GGT5: variants seen among roughly 807,000 people sequenced by gnomAD.
GGT5 encodes glutathione hydrolase 5 proenzyme.
Under a neutral mutation model 58.1 loss-of-function variants are expected in GGT5, and 50 were observed. That is an observed-to-expected ratio of 0.86 (90% CI 0.69 to 1.09). The LOEUF (loss-of-function observed/expected upper bound fraction) is 1.09. Ranked by LOEUF, GGT5 falls within the 50% of genes least tolerant of loss-of-function variation. GGT5 has a pLI of 0.00. For synonymous variants in GGT5, 370 were observed against 346.1 expected, an observed-to-expected ratio of 1.07 and a Z score of -0.77; for missense variants, 800 against 789.4, an observed-to-expected ratio of 1.01 and a Z score of -0.16.
At chr22:24,238,392 C>T (rs569180041) in intron 1 of GGT5, among the ~76,000 whole-genome samples, 41 of 151,628 alleles carry the variant, frequency 2.7e-4, no homozygotes, top group African/African-American at 6.0e-4. Context: ...ATTAGCAGGG[C>T]ATGGTGTCAT....
chr22:24,236,393 C>T (rs557259718), intron 1 of GGT5, among the ~76,000 whole-genome samples: 14 of 152,178 alleles, frequency 9.2e-5, no homozygotes, highest in African/African-American at 3.1e-4. Flanking sequence ...AAGCCACCAA[C>T]CTCTCTCAGC....
chr22:24,225,046 G>C lies in GGT5; in HGVS notation c.1564C>G (p.Leu522Val), dbSNP rs1169592598. The C allele has an allele frequency of 6.2e-7, 1 of 1,602,290 alleles. No homozygotes were observed. The highest frequency in any genetic ancestry group is 8.5e-7 in the Non-Finnish European group (1 of 1,174,464). The change falls in exon 11 of 12, where the codon CTG becomes GTG. Residue 522 changes from leucine (L) to valine (V), a missense_variant. By Grantham distance (32) the Leu-to-Val change is conservative (BLOSUM62 1). Transcript: ENST00000327365. Reference protein sequence around the residue: ...DLRAAIAAPILHVNSKGCVEY... With the variant: ...DLRAAIAAPIVHVNSKGCVEY... ...ACACAGCCCTTGCTGTTGACATGCA[G>C]GATGGGGGCTGCAATGGCCGCTCTC...
intron 1 of GGT5, among the ~76,000 whole-genome samples, chr22:24,239,065 C>A (rs557830343): frequency 7.0e-6 from 1 of 142,770 alleles, no homozygotes; most frequent in Admixed American, 7.4e-5. Flanking sequence ...GGTGGCCAGG[C>A]GTGGTGGCTC....
intron 11 of GGT5, 31 bp from the exon 12 acceptor site, chr22:24,220,147 G>A (rs1601360512): frequency 6.2e-7 from 1 of 1,610,972 alleles, no homozygotes; most frequent in South Asian, 1.1e-5. Flanking sequence ...GTTCACAGGG[G>A]AGGGCAGCTC....
In GGT5 at chr22:24,226,164, C is replaced by T; in HGVS notation, c.1141G>A (p.Ala381Thr). 1.9e-6 allele frequency: 3 copies of T among 1,611,266 alleles called. No individual in the cohort carries two copies. The highest frequency in any genetic ancestry group is 2.5e-6 in the Non-Finnish European group (3 of 1,179,880). The change falls in exon 8 of 12, where the codon GCC becomes ACC. Residue 381 changes from alanine (A) to threonine (T), a missense_variant. Coordinates refer to ENST00000327365, the MANE Select transcript of GGT5 (RefSeq NM_004121.5). Reference protein sequence around the residue: ...HQLSHYSLAEAWGHGTGTSHV... With the variant: ...HQLSHYSLAETWGHGTGTSHV... ...GACGTGCCTGTCCCGTGGCCCCAGGCCTCGGCCAAGCTGTAGTGGCTGAGC... is the reference window on the plus strand; with the variant it reads ...GACGTGCCTGTCCCGTGGCCCCAGGTCTCGGCCAAGCTGTAGTGGCTGAGC...
rs557488487 is a variant in GGT5 at position 24,230,266 on chromosome 22, A to G, written c.901+1118T>C. 3.4e-4 allele frequency among the ~76,000 whole-genome samples: 52 copies of G among 151,408 alleles called. 1 individual carries two copies. In the South Asian group the frequency reaches 0.01, roughly 29 times the overall value. ...GCCTGTAATCCCAGCTACTTGGGAGACTGAGGCAGGAGAATTGCTTGTACC... is the reference window on the plus strand; with the variant it reads ...GCCTGTAATCCCAGCTACTTGGGAGGCTGAGGCAGGAGAATTGCTTGTACC... On this transcript the variant is annotated intron_variant, in intron 6 of 11. Transcript: ENST00000327365.
chr22:24,232,444 G>C (rs1339734587), intron 4 of GGT5, among the ~76,000 whole-genome samples: 3 of 152,142 alleles, frequency 2.0e-5, no homozygotes, highest in Non-Finnish European at 2.9e-5. Flanking sequence ...TGGGGCCTGG[G>C]TCCACCTAGG....
chr22:24,238,779 A>AAT (rs1556041830), intron 1 of GGT5, among the ~76,000 whole-genome samples: 1 of 24,282 alleles, frequency 4.1e-5, no homozygotes, highest in Non-Finnish European at 6.3e-5. Flanking sequence ...ATATATATAT[A>AAT]ATATATATTA....
chr22:24,226,514 T>C, intron 7 of GGT5, 117 bp downstream of exon 7: 2 of 1,166,562 alleles, frequency 1.7e-6, no homozygotes. Flanking sequence ...TGCCCTGGCC[T>C]AGAACCACAT....
Position 24,236,809 on chromosome 22 carries a change from A to G in GGT5, c.174-2805T>C, listed in dbSNP as rs569257206. Reference sequence around the variant, plus strand: ...TAAACGTAAATCAGACTTCCTGGTAATGGGAGACTGTAATTCAGACCACAC... The same window carrying G: ...TAAACGTAAATCAGACTTCCTGGTAGTGGGAGACTGTAATTCAGACCACAC... On this transcript the variant is annotated intron_variant, in intron 1 of 11. Coordinates refer to ENST00000327365, the MANE Select transcript of GGT5 (RefSeq NM_004121.5). 4.6e-5 allele frequency among the ~76,000 whole-genome samples: 7 copies of G among 152,038 alleles called. 1 individual carries two copies. The South Asian group carries it at 1.5e-3, about 32-fold the overall frequency.
chr22:24,238,578 C>A (rs2048167822), intron 1 of GGT5, among the ~76,000 whole-genome samples: 1 of 140,640 alleles, frequency 7.1e-6, no homozygotes, highest in Non-Finnish European at 1.5e-5. Flanking sequence ...GTGGCTCATG[C>A]CTGGAATCCC....
At chr22:24,235,823 A>G (rs4822473) in intron 1 of GGT5, among the ~76,000 whole-genome samples, 18,668 of 151,974 alleles carry the variant, frequency 0.12, 1,371 homozygotes, top group East Asian at 0.26. Context: ...CTTGGCTTCC[A>G]GGGCAAAATG....
At chr22:24,223,832 G>A (rs916624992) in intron 11 of GGT5, among the ~76,000 whole-genome samples, 7 of 133,446 alleles carry the variant, frequency 5.2e-5, no homozygotes, top group Admixed American at 2.8e-4. Flanking sequence ...TCACGATCTT[G>A]GCTCACTGCA....
chr22:24,234,948 T>A (rs2048053507), intron 1 of GGT5, among the ~76,000 whole-genome samples: 1 of 151,896 alleles, frequency 6.6e-6, no homozygotes, highest in Non-Finnish European at 1.5e-5. Flanking sequence ...GCCTACATTA[T>A]GATGATCCCT....
intron 1 of GGT5, among the ~76,000 whole-genome samples, chr22:24,238,866 ATATATATAATATATAT>A (rs1569372022): frequency 1.4e-3 from 13 of 9,088 alleles, no homozygotes; most frequent in African/African-American, 9.9e-3. Flanking sequence ...TATATATATA[ATATATATAATATATAT>A]TATATATTTT....
At position 24,231,400 on chromosome 22, in the gene GGT5, G is replaced by T. The variant is rs1453058742; in HGVS notation, c.885C>A (p.Ile295=). ...GGGCTTTACCTCTTAGCACGTTGAG[G>T]ATAAAGCTGAGAATGGCACCCCCTG... ...PPAGGAILSF[I]LNVLRGFNFS... is the part of the protein sequence containing the mutation. The change falls in exon 6 of 12, where the codon ATC becomes ATA. Residue 295 remains isoleucine (I), a synonymous_variant. Transcript: ENST00000327365. 1 of 1,551,778 alleles carries T rather than the reference G, an allele frequency of 6.4e-7. No individual in the cohort carries two copies. Among genetic ancestry groups the T allele is most frequent in the Admixed American group, 2.0e-5 (1 of 51,230 alleles).
chr22:24,234,684 A>G (rs1042658164), intron 1 of GGT5, among the ~76,000 whole-genome samples: 6 of 152,104 alleles, frequency 3.9e-5, no homozygotes, highest in Non-Finnish European at 7.4e-5. Flanking sequence ...GCTGAATGTG[A>G]TGGCGGGCAC....
chr22:24,231,386 C>T lies in GGT5; in HGVS notation c.899G>A (p.Arg300Lys). The change falls in exon 6 of 12, where the codon AGA becomes AAA. Residue 300 changes from arginine (R) to lysine (K), a missense_variant and splice_region_variant. By Grantham distance (26) the Arg-to-Lys change is conservative. Coordinates refer to ENST00000327365, the MANE Select transcript of GGT5 (RefSeq NM_004121.5). ...AGGGCTCTGGGCAGGGGCTTTACCT[C>T]TTAGCACGTTGAGGATAAAGCTGAG... ...AILSFILNVL[R>K]GFNFSTESMA... 1 of 1,547,414 alleles carries T rather than the reference C, an allele frequency of 6.5e-7. No homozygotes were observed. Among genetic ancestry groups the T allele is most frequent in the Non-Finnish European group, 8.7e-7 (1 of 1,145,188 alleles).
chr22:24,238,052 A>G (rs911202620), intron 1 of GGT5, among the ~76,000 whole-genome samples: 2 of 151,752 alleles, frequency 1.3e-5, no homozygotes, highest in East Asian at 2.0e-4. Flanking sequence ...ACGTGGTTAA[A>G]ACCCCATCTC....
Sources: allele counts gnomAD v4.1 joint callset (sites outside exome capture counted in the v4.1 genomes callset), GRCh38; gene constraint gnomAD v4.1.1; transcripts MANE v1.5; gene names NCBI Gene and HGNC (gene_info 2026-07-23, HGNC 2026-07-21).